GTF2H1: variants seen among roughly 807,000 people sequenced by gnomAD.
GTF2H1 encodes general transcription factor IIH subunit 1.
In GTF2H1, 16 loss-of-function variants were observed where a neutral mutation model predicts 71.2. The observed-to-expected ratio is 0.22, with a 90% CI of 0.15 to 0.34. The LOEUF is 0.34. Ranked by LOEUF, GTF2H1 falls within the 10% of genes least tolerant of loss-of-function variation. GTF2H1 has a pLI of 1.00. For missense variants in GTF2H1, 498 were observed against 648.2 expected (o/e 0.77, Z 2.52); for synonymous variants, 215 against 219.0 (o/e 0.98, Z 0.16).
chr11:18,335,676 T>C (rs1258405617), intron 2 of GTF2H1, 78 bp from the exon 3 acceptor site: 4 of 1,019,938 alleles, frequency 3.9e-6, no homozygotes, highest in Admixed American at 2.1e-5. Flanking sequence ...CTGAATCATC[T>C]TGGGAGAAGT....
chr11:18,330,357 A>C (rs1864866018), intron 1 of GTF2H1, among the ~76,000 whole-genome samples: 1 of 152,324 alleles, frequency 6.6e-6, no homozygotes, highest in South Asian at 2.1e-4. Context: ...CAGATTTGTT[A>C]GAGAAAGTAG....
chr11:18,336,078 TTTTGTTTTG>T (rs1590185049), intron 3 of GTF2H1, 132 bp downstream of exon 3: 19 of 503,568 alleles, frequency 3.8e-5, no homozygotes, highest in East Asian at 1.6e-4. Flanking sequence ...TCGTTTTTGT[TTTTGTTTTG>T]TTTGTTTGTT....
At chr11:18,325,745 A>G (rs1444818680) in intron 1 of GTF2H1, among the ~76,000 whole-genome samples, 1 of 152,238 alleles carries the variant, frequency 6.6e-6, no homozygotes, top group African/African-American at 2.4e-5. Flanking sequence ...GGCTCAGAGC[A>G]AGGTATATGA....
chr11:18,328,711 G>A (rs1187179605), intron 1 of GTF2H1, among the ~76,000 whole-genome samples: 3 of 150,424 alleles, frequency 2.0e-5, no homozygotes, highest in Admixed American at 6.6e-5. Context: ...CTGTAGTCCC[G>A]GCTACTCTGG....
At chr11:18,348,372 G>A (rs1865348099) in intron 9 of GTF2H1, 1 of 194,882 alleles carries the variant, frequency 5.1e-6, no homozygotes, top group Non-Finnish European at 1.0e-5. Flanking sequence ...TCATTTGAGG[G>A]TGTGGAGAAG....
At chr11:18,327,356 T>C (rs1402233610) in intron 1 of GTF2H1, among the ~76,000 whole-genome samples, 1 of 151,668 alleles carries the variant, frequency 6.6e-6, no homozygotes, top group African/African-American at 2.4e-5. Flanking sequence ...TTAAATTTGG[T>C]ATCTATCCCT....
intron 3 of GTF2H1, among the ~76,000 whole-genome samples, chr11:18,336,617 G>A (rs1590185410): frequency 6.6e-6 from 1 of 152,166 alleles, no homozygotes; most frequent in Non-Finnish European, 1.5e-5. Flanking sequence ...AACCGGGATT[G>A]GAAGGTGCTG....
intron 1 of GTF2H1, among the ~76,000 whole-genome samples, chr11:18,328,645 C>T (rs569791655): frequency 6.6e-6 from 1 of 151,798 alleles, no homozygotes; most frequent in Non-Finnish European, 1.5e-5. Context: ...GCTAACACGG[C>T]GAAACTCCAT....
Position 18,362,961 on chromosome 11 carries a change from G to GC in GTF2H1, c.1560+2256dup, listed in dbSNP as rs926065118. Reference sequence around the variant, plus strand: ...TGGGATTACAGGCGTGAGCCACCACGCCTGGTGCCTTTTTTCTATTTTTAA... The same window carrying GC: ...TGGGATTACAGGCGTGAGCCACCACGCCCTGGTGCCTTTTTTCTATTTTTAA... On this transcript the variant is annotated intron_variant, in intron 14 of 14. Coordinates refer to ENST00000265963, the MANE Select transcript of GTF2H1 (RefSeq NM_005316.4). Among the ~76,000 whole-genome samples the GC allele has an allele frequency of 5.6e-4, 85 of 151,950 alleles. 1 individual carries two copies. Among genetic ancestry groups the GC allele is most frequent in the African/African-American group, 1.8e-3 (74 of 41,472 alleles).
intron 9 of GTF2H1, among the ~76,000 whole-genome samples, chr11:18,349,281 A>G (rs1865373675): frequency 6.6e-6 from 1 of 152,212 alleles, no homozygotes; most frequent in African/African-American, 2.4e-5. Context: ...AACTAAAGCA[A>G]AGCTAATAAT....
chr11:18,353,003 A>G (rs1865462011), intron 11 of GTF2H1, among the ~76,000 whole-genome samples: 1 of 152,216 alleles, frequency 6.6e-6, no homozygotes, highest in African/African-American at 2.4e-5. Context: ...AGGTGGGTGG[A>G]TCACGTGAGG....
intron 13 of GTF2H1, among the ~76,000 whole-genome samples, chr11:18,359,984 G>T (rs940551446): frequency 3.3e-5 from 5 of 151,770 alleles, no homozygotes; most frequent in Non-Finnish European, 4.4e-5. Context: ...TAGCTCAGGT[G>T]ATCACCTGAG....
intron 4 of GTF2H1, 25 bp downstream of exon 4, chr11:18,338,299 A>G (rs755908484): frequency 1.4e-5 from 21 of 1,541,292 alleles, no homozygotes; most frequent in Non-Finnish European, 1.9e-5. Context: ...TAGATTTCTG[A>G]AGAAAATAAA....
intron 14 of GTF2H1, among the ~76,000 whole-genome samples, chr11:18,364,258 A>C (rs1234682077): frequency 1.3e-5 from 2 of 152,094 alleles, no homozygotes; most frequent in Non-Finnish European, 2.9e-5. Context: ...AGTAAGGGTA[A>C]TTTTTTTAAC....
intron 9 of GTF2H1, chr11:18,348,216 G>C: frequency 2.4e-6 from 1 of 411,560 alleles, no homozygotes; most frequent in Non-Finnish European, 4.3e-6. Context: ...TTTGTTCTCT[G>C]GGAATAAAAT....
rs757352624 is a variant in GTF2H1 at position 18,358,009 on chromosome 11, C to T, written c.1318C>T (p.Leu440Phe). The T allele has an allele frequency of 3.1e-6, 5 of 1,612,740 alleles. No individual in the cohort carries two copies. The South Asian group carries it at 4.4e-5, about 14-fold the overall frequency. The change falls in exon 12 of 15, where the codon CTT becomes TTT. Residue 440 changes from leucine (L) to phenylalanine (F), a missense_variant. Physicochemically the swap from Leu to Phe is conservative, Grantham distance 22. Coordinates refer to ENST00000265963, the MANE Select transcript of GTF2H1 (RefSeq NM_005316.4). ...TITALSPGGA[L>F]MQGGTQQAIN... Reference sequence around the variant, plus strand: ...CACAGCACTGTCACCTGGAGGGGCACTTATGCAGGGAGGAACACAGCAAGC... The same window carrying T: ...CACAGCACTGTCACCTGGAGGGGCATTTATGCAGGGAGGAACACAGCAAGC...
At chr11:18,351,013 G>C (rs1289144508) in intron 9 of GTF2H1, among the ~76,000 whole-genome samples, 1 of 152,092 alleles carries the variant, frequency 6.6e-6, no homozygotes, top group African/African-American at 2.4e-5. Context: ...AGTGGGAAAA[G>C]GTAAATTATT....
chr11:18,360,504 A>G lies in GTF2H1; in HGVS notation c.1468-111A>G, dbSNP rs1400238648. The G allele has an allele frequency of 5.4e-6, 3 of 552,450 alleles. No individual in the cohort carries two copies. In the African/African-American group the frequency reaches 6.0e-5, roughly 11 times the overall value. The allele number at this position is 552,450 out of a possible 1,614,324, so 34.2% of individuals were successfully genotyped here. The stretch of plus-strand genomic sequence containing the variant: ...TGGTATATTTTTATTTTATTTTTAC[A>G]TTTAAAAAAATTCTACAAGAAAAGT... On this transcript the variant is annotated intron_variant, in intron 13 of 14. Coordinates refer to ENST00000265963, the MANE Select transcript of GTF2H1 (RefSeq NM_005316.4).
chr11:18,356,377 CAAAAA>C (rs771914874), intron 11 of GTF2H1, among the ~76,000 whole-genome samples: 21 of 76,968 alleles, frequency 2.7e-4, no homozygotes, highest in African/African-American at 9.0e-4. Flanking sequence ...GACTCTGTCT[CAAAAA>C]AAAAAAAAAA....
Sources: allele counts gnomAD v4.1 joint callset (sites outside exome capture counted in the v4.1 genomes callset), GRCh38; gene constraint gnomAD v4.1.1; transcripts MANE v1.5; gene names NCBI Gene and HGNC (gene_info 2026-07-23, HGNC 2026-07-21).